The following CCDC7 variants were observed in gnomAD, a reference collection of about 807,000 sequenced individuals.
The protein encoded by CCDC7 is coiled-coil domain-containing protein 7.
In CCDC7, 183 loss-of-function variants were observed where a neutral mutation model predicts 196.9. The ratio of observed to expected loss-of-function variants is 0.93; its 90% CI spans 0.82 to 1.05. CCDC7 has a LOEUF of 1.05. CCDC7 is among the 50% of genes least tolerant of loss of function. The pLI is 0.00. For missense variants in CCDC7, 1,540 were observed against 1,482.2 expected (o/e 1.04, Z -0.64); for synonymous variants, 525 against 484.6 (o/e 1.08, Z -1.10).
chr10:32,618,281 T>G (rs2062994654), intron 18 of CCDC7, among the ~76,000 whole-genome samples: 1 of 151,986 alleles, frequency 6.6e-6, no homozygotes, highest in Non-Finnish European at 1.5e-5. Flanking sequence ...TATTTTTAAA[T>G]TGTTTTAAAT....
intron 11 of CCDC7, among the ~76,000 whole-genome samples, chr10:32,541,323 A>T (rs1479260934): frequency 2.0e-5 from 3 of 148,934 alleles, no homozygotes; most frequent in Admixed American, 2.0e-4. Flanking sequence ...TTTACACAGA[A>T]ACATGGCCAC....
At chr10:32,823,903 GAA>G (rs1455085011) in intron 31 of CCDC7, among the ~76,000 whole-genome samples, 3 of 152,146 alleles carry the variant, frequency 2.0e-5, no homozygotes, top group Non-Finnish European at 4.4e-5. Context: ...GAACCAGAGA[GAA>G]GAGACTTTTT....
chr10:32,762,182 T>C (rs2077567000), intron 28 of CCDC7, among the ~76,000 whole-genome samples: 1 of 151,930 alleles, frequency 6.6e-6, no homozygotes, highest in Non-Finnish European at 1.5e-5. Context: ...TTACAGTTTC[T>C]GTCAGAAGGT....
At chr10:32,663,391 A>G (rs2071938582) in intron 20 of CCDC7, among the ~76,000 whole-genome samples, 1 of 152,196 alleles carries the variant, frequency 6.6e-6, no homozygotes, top group Non-Finnish European at 1.5e-5. Context: ...GGGTCTATGC[A>G]AATTTTGGTC....
intron 25 of CCDC7, among the ~76,000 whole-genome samples, chr10:32,717,321 C>A (rs1297504387): frequency 3.3e-5 from 5 of 152,276 alleles, no homozygotes; most frequent in African/African-American, 9.6e-5. Context: ...TAAGTGAATT[C>A]TTTGAAACCA....
chr10:32,702,538 G>A (rs4399239), intron 24 of CCDC7, among the ~76,000 whole-genome samples: 21,971 of 152,102 alleles, frequency 0.14, 1,824 homozygotes, highest in East Asian at 0.25. Flanking sequence ...TATTAGGTCC[G>A]CTTGGTGCAG....
At chr10:32,474,083 T>G in intron 8 of CCDC7, 60 bp downstream of exon 9, 1 of 1,548,104 alleles carries the variant, frequency 6.5e-7, no homozygotes. Context: ...TTAATTTCTA[T>G]AAAGTAATAA....
At position 32,628,334 on chromosome 10, in the gene CCDC7, A is replaced by AT. The variant is rs200019941; in HGVS notation, c.1802-5911dup. ...TAATTGTTTATAGTAGTCTATTTTG[A>AT]TTTTTTTTTGGTCTTTATGTTACAT... On this transcript the variant is annotated intron_variant, in intron 18 of 41. Transcript: ENST00000639629. Among the ~76,000 whole-genome samples the AT allele has an allele frequency of 5.9e-3, 875 of 149,486 alleles. 4 individuals are homozygous for AT. Among genetic ancestry groups the AT allele is most frequent in the Non-Finnish European group, 7.2e-3 (482 of 67,022 alleles).
At chr10:32,651,000 G>A (rs2068661294) in intron 20 of CCDC7, among the ~76,000 whole-genome samples, 1 of 152,164 alleles carries the variant, frequency 6.6e-6, no homozygotes, top group South Asian at 2.1e-4. Context: ...TTTCTCCTTG[G>A]TGGGTTCAGA....
intron 9 of CCDC7, chr10:32,513,878 T>G (rs1016571786): frequency 6.6e-6 from 1 of 152,178 alleles, no homozygotes; most frequent in African/African-American, 2.4e-5. Flanking sequence ...ACAAACCCCA[T>G]GGTCAACATC....
At chr10:32,668,766 G>A (rs886432700) in intron 21 of CCDC7, among the ~76,000 whole-genome samples, 3 of 152,008 alleles carry the variant, frequency 2.0e-5, no homozygotes, top group Non-Finnish European at 4.4e-5. Flanking sequence ...TGCTGGAATC[G>A]GTTTGACAGT....
chr10:32,485,500 T>C (rs2040873818), intron 8 of CCDC7, among the ~76,000 whole-genome samples: 1 of 152,248 alleles, frequency 6.6e-6, no homozygotes, highest in Non-Finnish European at 1.5e-5. Flanking sequence ...TTCCTTCAGT[T>C]CTGCTCTGAT....
intron 28 of CCDC7, among the ~76,000 whole-genome samples, chr10:32,778,248 C>T (rs777949279): frequency 2.0e-5 from 3 of 152,144 alleles, no homozygotes; most frequent in Non-Finnish European, 2.9e-5. Flanking sequence ...GATAGCCATA[C>T]ATTCTTTGCC....
At chr10:32,641,848 G>A (rs1590996752) in intron 20 of CCDC7, among the ~76,000 whole-genome samples, 1 of 152,104 alleles carries the variant, frequency 6.6e-6, no homozygotes, top group East Asian at 1.9e-4. Context: ...TGTCCTTTCC[G>A]TTTGTTAGTT....
chr10:32,864,037 T>C (rs1445319134), intron 41 of CCDC7, among the ~76,000 whole-genome samples: 3 of 149,348 alleles, frequency 2.0e-5, no homozygotes, highest in Non-Finnish European at 4.4e-5. Flanking sequence ...GGGGCTAATA[T>C]CCTAATTTTA....
chr10:32,491,650 C>T (rs1245492821), intron 8 of CCDC7, among the ~76,000 whole-genome samples: 1 of 151,948 alleles, frequency 6.6e-6, no homozygotes, highest in African/African-American at 2.4e-5. Flanking sequence ...CCTCTTTGAG[C>T]CTGAACTTCT....
intron 20 of CCDC7, among the ~76,000 whole-genome samples, chr10:32,646,165 G>T (rs1466924968): frequency 3.4e-5 from 5 of 146,900 alleles, no homozygotes; most frequent in African/African-American, 1.3e-4. Flanking sequence ...GGTGTTTATT[G>T]CTATAAACTT....
chr10:32,593,232 A>T (rs1450446834), intron 18 of CCDC7, among the ~76,000 whole-genome samples: 1 of 152,136 alleles, frequency 6.6e-6, no homozygotes, highest in Non-Finnish European at 1.5e-5. Flanking sequence ...CTTTTTAATG[A>T]TTGCCATTCT....
chr10:32,662,241 G>A (rs906752131), intron 20 of CCDC7, among the ~76,000 whole-genome samples: 3 of 152,140 alleles, frequency 2.0e-5, no homozygotes, highest in Non-Finnish European at 2.9e-5. Context: ...GGGGAGGGAT[G>A]GCATTAGCAA....
Sources: allele counts gnomAD v4.1 joint callset (sites outside exome capture counted in the v4.1 genomes callset), GRCh38; gene constraint gnomAD v4.1.1; transcripts MANE v1.5; gene names NCBI Gene and HGNC (gene_info 2026-07-23, HGNC 2026-07-21).